The following AAGAB variants were observed in gnomAD, a reference collection of about 807,000 sequenced individuals.
The protein encoded by AAGAB is alpha and gamma adaptin binding protein, also known as alpha- and gamma-adaptin-binding protein p34.
AAGAB carries 38 observed loss-of-function variants against 44.1 expected under a neutral mutation model. The ratio of observed to expected loss-of-function variants is 0.86; its 90% CI spans 0.67 to 1.13. The LOEUF (loss-of-function observed/expected upper bound fraction) is 1.13. Among genes scored for constraint, AAGAB ranks in the 50% most tolerant of loss-of-function variants. AAGAB has a pLI of 0.00. For synonymous variants in AAGAB, 131 were observed against 131.8 expected (o/e 0.99, Z 0.04); for missense variants, 450 against 373.8 (o/e 1.20, Z -1.68).
intron 1 of AAGAB, among the ~76,000 whole-genome samples, chr15:67,242,012 C>CGTTGAAAGGAAAA (rs1567030510): frequency 6.6e-6 from 1 of 152,038 alleles, no homozygotes; most frequent in Non-Finnish European, 1.5e-5. Flanking sequence ...CAGAGTCTGA[C>CGTTGAAAGGAAAA]GTCAGCTGAA....
chr15:67,219,758 T>A (rs1239337580), intron 5 of AAGAB, among the ~76,000 whole-genome samples: 3 of 152,252 alleles, frequency 2.0e-5, no homozygotes, highest in South Asian at 2.1e-4. Flanking sequence ...AAAATAAAAA[T>A]TTTTTTAAAT....
Position 67,200,783 on chromosome 15 carries a change from G to A in AAGAB, c.*2038C>T, listed in dbSNP as rs1434933871. ...TAGCTCATGATCACTATTCTAACAT[G>A]GGCTTTTAGTAGATTTCACTAGAGA... On this transcript the variant is annotated 3_prime_UTR_variant, in exon 10 of 10. Coordinates refer to ENST00000261880, the MANE Select transcript of AAGAB (RefSeq NM_024666.5). Among the ~76,000 whole-genome samples the A allele has an allele frequency of 6.6e-6, 1 of 152,190 alleles. No individual in the cohort carries two copies. Among genetic ancestry groups the A allele is most frequent in the Non-Finnish European group, 1.5e-5 (1 of 68,034 alleles).
Position 67,209,470 on chromosome 15 carries a change from G to A in AAGAB, c.610C>T (p.His204Tyr), listed in dbSNP as rs1418487845. Residue 204 changes from histidine to tyrosine, a missense_variant, in exon 6 of 10, where the codon CAC becomes TAC. Physicochemically the swap from His to Tyr is moderately conservative, Grantham distance 83. Coordinates refer to ENST00000261880, the MANE Select transcript of AAGAB (RefSeq NM_024666.5). ...CCAAGAAAAACCTTTACCTCTGGGT[G>A]ACAGGGATCTGCTGACCCAATGCTA... ...NHSIGSADPC[H>Y]PEQPHLPAAD... is the part of the protein sequence containing the mutation. The A allele has an allele frequency of 1.2e-6, 2 of 1,613,870 alleles. No individual in the cohort carries two copies. Among genetic ancestry groups the A allele is most frequent in the South Asian group, 1.1e-5 (1 of 91,078 alleles).
chr15:67,215,995 C>T (rs1182847878), intron 5 of AAGAB, among the ~76,000 whole-genome samples: 1 of 152,094 alleles, frequency 6.6e-6, no homozygotes, highest in South Asian at 2.1e-4. Context: ...TCCCTTGACA[C>T]CTGGGACACC....
At chr15:67,211,185 C>G (rs577471110) in intron 5 of AAGAB, among the ~76,000 whole-genome samples, 1 of 152,198 alleles carries the variant, frequency 6.6e-6, no homozygotes, top group Non-Finnish European at 1.5e-5. Flanking sequence ...CGGAGGCAGT[C>G]ATATGTAGCT....
chr15:67,248,800 G>C (rs975383259), intron 1 of AAGAB, among the ~76,000 whole-genome samples: 1 of 152,136 alleles, frequency 6.6e-6, no homozygotes, highest in African/African-American at 2.4e-5. Context: ...GTGCTTTCTG[G>C]TTTTGCAGTT....
chr15:67,223,415 CTT>C (rs1842658725), intron 5 of AAGAB, among the ~76,000 whole-genome samples: 2 of 152,234 alleles, frequency 1.3e-5, no homozygotes, highest in Non-Finnish European at 2.9e-5. Flanking sequence ...GGCAACTAAT[CTT>C]TCAAGTGTTC....
Position 67,202,722 on chromosome 15 carries a change from C to T in AAGAB, c.*99G>A. Reference sequence around the variant, plus strand: ...CCCTATAAACAAGTCAGGCAGCCAACATGATAAGGGCAATTTTGGCAAAAT... The same window carrying T: ...CCCTATAAACAAGTCAGGCAGCCAATATGATAAGGGCAATTTTGGCAAAAT... On this transcript the variant is annotated 3_prime_UTR_variant, in exon 10 of 10. Transcript: ENST00000261880. 8.8e-7 allele frequency: 1 copy of T among 1,133,602 alleles called. No homozygotes were observed. The highest frequency in any genetic ancestry group is 1.3e-6 in the Non-Finnish European group (1 of 750,280). The allele number at this position is 1,133,602 out of a possible 1,614,324, so 70.2% of individuals were successfully genotyped here. A position where few individuals can be genotyped will look rare whatever the true frequency, so the allele number is the denominator to read the frequency against.
At chr15:67,236,097 A>G (rs906531780) in intron 3 of AAGAB, 29 bp from the exon 4 acceptor site, 3 of 1,500,220 alleles carry the variant, frequency 2.0e-6, no homozygotes, top group Non-Finnish European at 1.8e-6. Flanking sequence ...GAATCTTCAT[A>G]AGTAAAAAGA....
intron 5 of AAGAB, among the ~76,000 whole-genome samples, chr15:67,229,946 A>G (rs995120314): frequency 6.6e-6 from 1 of 151,956 alleles, no homozygotes; most frequent in African/African-American, 2.4e-5. Context: ...TCCCTGGTTC[A>G]AGTGATTCTC....
chr15:67,212,612 C>G (rs544081632), intron 5 of AAGAB, among the ~76,000 whole-genome samples: 1 of 152,126 alleles, frequency 6.6e-6, no homozygotes, highest in Non-Finnish European at 1.5e-5. Context: ...AGAATTTAGT[C>G]AACTAACAAG....
In AAGAB at chr15:67,244,795, C is replaced by T. The variant is rs139796388; in HGVS notation, c.74-7975G>A. 7.2e-3 allele frequency among the ~76,000 whole-genome samples: 1,085 copies of T among 151,400 alleles called. 14 individuals carry two copies. Among genetic ancestry groups the T allele is most frequent in the African/African-American group, 0.025 (1,039 of 41,222 alleles). On this transcript the variant is annotated intron_variant, in intron 1 of 9. Coordinates refer to ENST00000261880, the MANE Select transcript of AAGAB (RefSeq NM_024666.5). The stretch of plus-strand genomic sequence containing the variant: ...CTCCAGCCTGGGCAAGAGAGTGAGA[C>T]TCCGTCTTAAAAAAATAAAATAGTT...
intron 6 of AAGAB, 50 bp from the exon 7 acceptor site, chr15:67,208,708 G>A: frequency 6.5e-7 from 1 of 1,542,028 alleles, no homozygotes; most frequent in Non-Finnish European, 8.9e-7. Context: ...GTCTATTTCA[G>A]AACTAAATCC....
chr15:67,237,791 TCA>T (rs1964506390), intron 1 of AAGAB, among the ~76,000 whole-genome samples: 1 of 152,094 alleles, frequency 6.6e-6, no homozygotes, highest in Non-Finnish European at 1.5e-5. Flanking sequence ...TGAAAAACAG[TCA>T]CAAACTCCTC....
intron 7 of AAGAB, among the ~76,000 whole-genome samples, chr15:67,207,927 G>A (rs1264699436): frequency 6.6e-6 from 1 of 152,090 alleles, no homozygotes; most frequent in Non-Finnish European, 1.5e-5. Flanking sequence ...TAAGAAAAAA[G>A]AGTTTTAAAA....
intron 1 of AAGAB, among the ~76,000 whole-genome samples, chr15:67,242,462 A>C (rs1964625765): frequency 7.3e-6 from 1 of 137,008 alleles, no homozygotes; most frequent in African/African-American, 2.7e-5. Flanking sequence ...AAAAAAAAAA[A>C]AAAATCATAT....
rs111611305 is a variant in AAGAB at position 67,249,291 on chromosome 15, T to G, written c.73+5268A>C. The stretch of plus-strand genomic sequence containing the variant: ...CTCAGGTGATCAGCCCCCCTCGGAC[T>G]CCCAAAGTGCTGGGATTACAGGCGT... On this transcript the variant is annotated intron_variant, in intron 1 of 9. Coordinates refer to ENST00000261880, the MANE Select transcript of AAGAB (RefSeq NM_024666.5). Among the ~76,000 whole-genome samples, 862 of 152,240 alleles carry G rather than the reference T, an allele frequency of 5.7e-3. 6 individuals carry two copies. The highest frequency in any genetic ancestry group is 0.02 in the African/African-American group (814 of 41,528).
chr15:67,210,705 T>C (rs939667792), intron 5 of AAGAB, among the ~76,000 whole-genome samples: 10 of 152,202 alleles, frequency 6.6e-5, no homozygotes, highest in Non-Finnish European at 1.2e-4. Context: ...GAACACTTTA[T>C]TAAAACTATC....
At chr15:67,238,756 C>T (rs552300734) in intron 1 of AAGAB, among the ~76,000 whole-genome samples, 68 of 149,492 alleles carry the variant, frequency 4.5e-4, no homozygotes, top group Non-Finnish European at 8.4e-4. Flanking sequence ...AGTGCAGTGG[C>T]GTGATCTCGG....
Sources: gnomAD v4.1 joint callset for allele counts (sites outside exome capture counted in the v4.1 genomes callset) on GRCh38, gnomAD v4.1.1 for gene constraint, MANE v1.5 for transcripts, NCBI Gene and HGNC (gene_info 2026-07-23, HGNC 2026-07-21) for gene names.